Variants in HAO2 observed in about 807,000 individuals in gnomAD.
HAO2 encodes the protein 2-Hydroxyacid oxidase 2.
Under a neutral mutation model 37.4 loss-of-function variants are expected in HAO2, and 42 were observed. The ratio of observed to expected loss-of-function variants is 1.12; its 90% CI spans 0.88 to 1.45. The LOEUF is 1.45. Among genes scored for constraint, HAO2 ranks in the 40% most tolerant of loss-of-function variants. The probability of loss-of-function intolerance (pLI) is 0.00; values close to 1 mark genes in which losing one functional copy is unlikely to be tolerated. For missense variants in HAO2, 476 were observed against 430.2 expected (o/e 1.11, Z -0.94); for synonymous variants, 180 against 162.8 (o/e 1.11, Z -0.81).
chr1:119,391,474 G>C (rs1187187798), intron 5 of HAO2, among the ~76,000 whole-genome samples: 1 of 152,186 alleles, frequency 6.6e-6, no homozygotes, highest in South Asian at 2.1e-4. Context: ...AGGAAAATCA[G>C]GCCAAGATGA....
intron 1 of HAO2, among the ~76,000 whole-genome samples, chr1:119,372,343 G>A (rs1410318519): frequency 6.6e-6 from 1 of 152,228 alleles, no homozygotes; most frequent in Non-Finnish European, 1.5e-5. Flanking sequence ...ATGCCTTTGA[G>A]GGTATTTTCA....
chr1:119,383,473 A>G (rs1431166806), intron 3 of HAO2, among the ~76,000 whole-genome samples: 1 of 152,142 alleles, frequency 6.6e-6, no homozygotes, highest in Non-Finnish European at 1.5e-5. Context: ...GGATGAGGAG[A>G]GAATCACGAC....
At chr1:119,376,305 C>A (rs1435584139) in intron 1 of HAO2, among the ~76,000 whole-genome samples, 2 of 152,196 alleles carry the variant, frequency 1.3e-5, no homozygotes, top group Non-Finnish European at 2.9e-5. Flanking sequence ...CCAAAATGAT[C>A]TTTTTGACTC....
intron 3 of HAO2, 73 bp downstream of exon 3, chr1:119,383,139 G>A: frequency 2.7e-6 from 3 of 1,124,644 alleles, no homozygotes; most frequent in Non-Finnish European, 1.3e-6. Flanking sequence ...GAGGCTCCAA[G>A]ATTCTCTCTA....
At chr1:119,378,050 G>GAA (rs60406721) in intron 1 of HAO2, among the ~76,000 whole-genome samples, 3 of 151,844 alleles carry the variant, frequency 2.0e-5, no homozygotes, top group African/African-American at 7.3e-5. Context: ...ATTATAAAAA[G>GAA]AAAAAAATGC....
intron 6 of HAO2, 155 bp downstream of exon 6, chr1:119,392,423 A>C (rs1570800450): frequency 1.4e-6 from 1 of 727,756 alleles, no homozygotes; most frequent in Non-Finnish European, 2.3e-6. Flanking sequence ...TCTGAAGCCC[A>C]TTGCAAATGT....
chr1:119,390,497 C>T (rs1175106293), intron 5 of HAO2, among the ~76,000 whole-genome samples: 1 of 152,212 alleles, frequency 6.6e-6, no homozygotes, highest in Non-Finnish European at 1.5e-5. Context: ...GGTTCACCCG[C>T]CTCAGCCTCC....
chr1:119,386,499 C>A lies in HAO2; in HGVS notation c.562-123C>A, dbSNP rs1366177628. 11 of 671,830 alleles carry A rather than the reference C, an allele frequency of 1.6e-5. No individual in the cohort carries two copies. In the East Asian group the frequency reaches 2.9e-4, roughly 18 times the overall value. The allele number at this position is 671,830 out of a possible 1,614,324, so 41.6% of individuals were successfully genotyped here. A position where few individuals can be genotyped will look rare whatever the true frequency, so the allele number is the denominator to read the frequency against. ...GGGATTACAGGCATGAGCCACCATG[C>A]CCAGCCCTGTTCTTCCTCCTTCCAG... On this transcript the variant is annotated intron_variant, in intron 4 of 7. Transcript: ENST00000325945.
At chr1:119,392,054 C>G in intron 5 of HAO2, 56 bp from the exon 6 acceptor site, 2 of 1,500,854 alleles carry the variant, frequency 1.3e-6, no homozygotes, top group Non-Finnish European at 1.8e-6. Context: ...GCCAGGAAGA[C>G]CAAGTCTGAG....
Position 119,392,028 on chromosome 1 carries a change from G to A in HAO2, c.772-82G>A, listed in dbSNP as rs141350617. On this transcript the variant is annotated intron_variant, in intron 5 of 7. Coordinates refer to ENST00000325945, the MANE Select transcript of HAO2 (RefSeq NM_016527.4). ...TTGTCAAGGGCGTCTCCTCAGCTTG[G>A]TTTTCCTGGTCATATGCCAGGAAGA... 1.3e-3 allele frequency: 1,688 copies of A among 1,313,834 alleles called. 23 individuals carry two copies. In the African/African-American group the frequency reaches 0.023, roughly 18 times the overall value. 81.4% of individuals were successfully genotyped at this position (1,313,834 alleles called of 1,614,324 possible). A position where few individuals can be genotyped will look rare whatever the true frequency, so the allele number is the denominator to read the frequency against.
intron 1 of HAO2, among the ~76,000 whole-genome samples, chr1:119,378,018 G>T (rs1245707321): frequency 1.3e-5 from 2 of 152,184 alleles, no homozygotes; most frequent in Non-Finnish European, 2.9e-5. Flanking sequence ...AGTGAGCTGA[G>T]ATCATGCTAA....
intron 5 of HAO2, among the ~76,000 whole-genome samples, chr1:119,391,102 A>G (rs1353756311): frequency 1.3e-5 from 2 of 151,350 alleles, no homozygotes; most frequent in African/African-American, 4.9e-5. Flanking sequence ...GCCCCCACCT[A>G]TAAGTTAAAG....
chr1:119,380,620 A>G (rs1434899179), intron 1 of HAO2: 1 of 1,059,588 alleles, frequency 9.4e-7, no homozygotes, highest in African/African-American at 1.6e-5. Context: ...TGGGAATGCC[A>G]TGACGTGGGC....
chr1:119,385,546 T>G (rs1379759519), intron 4 of HAO2: 31 of 935,526 alleles, frequency 3.3e-5, no homozygotes, highest in Non-Finnish European at 4.0e-5. Context: ...GAGGAATCAA[T>G]ATCTCTGCAC....
chr1:119,379,595 G>A (rs1649753541), intron 1 of HAO2, among the ~76,000 whole-genome samples: 1 of 152,122 alleles, frequency 6.6e-6, no homozygotes, highest in African/African-American at 2.4e-5. Context: ...ATTAGATATG[G>A]TTGTAGTAAT....
intron 2 of HAO2, 144 bp from the exon 3 acceptor site, chr1:119,382,771 C>T (rs1650054716): frequency 7.4e-6 from 5 of 673,730 alleles, no homozygotes; most frequent in African/African-American, 5.4e-5. Context: ...TTACTCAGCT[C>T]TCAGCCAACT....
At chr1:119,381,003 C>A in intron 1 of HAO2, 75 bp from the exon 2 acceptor site, 1 of 1,243,670 alleles carries the variant, frequency 8.0e-7, no homozygotes, top group Non-Finnish European at 1.2e-6. Context: ...CATACTGCAG[C>A]TTCCCCTTCA....
chr1:119,392,465 G>C (rs1439799655), intron 6 of HAO2, 153 bp from the exon 7 acceptor site: 1 of 728,064 alleles, frequency 1.4e-6, no homozygotes, highest in East Asian at 2.6e-5. Context: ...CTTTGTCTCT[G>C]TGCTTTCCTT....
intron 1 of HAO2, chr1:119,380,388 A>G: frequency 2.9e-6 from 1 of 344,328 alleles, no homozygotes; most frequent in African/African-American, 2.1e-5. Context: ...AAAATAGGAA[A>G]AAGGTAGATG....
Sources: allele counts gnomAD v4.1 joint callset (sites outside exome capture counted in the v4.1 genomes callset), GRCh38; gene constraint gnomAD v4.1.1; transcripts MANE v1.5; gene names NCBI Gene and HGNC (gene_info 2026-07-23, HGNC 2026-07-21).